The following ARHGEF3 variants were observed in gnomAD, a reference collection of about 807,000 sequenced individuals.
ARHGEF3 encodes the protein Rho guanine nucleotide exchange factor 3.
A neutral mutation model predicts 63.2 loss-of-function variants in ARHGEF3; 28 were observed. The observed-to-expected ratio is 0.44, with a 90% CI of 0.33 to 0.61. The LOEUF is 0.61. Ranked by LOEUF, ARHGEF3 falls within the 20% of genes least tolerant of loss-of-function variation. The pLI is 0.03. For missense variants in ARHGEF3, 533 were observed against 659.3 expected, an observed-to-expected ratio of 0.81 and a Z score of 2.10; for synonymous variants, 266 against 254.2, an observed-to-expected ratio of 1.05 and a Z score of -0.44.
chr3:56,978,198 C>T (rs960935858), intron 2 of ARHGEF3, among the ~76,000 whole-genome samples: 18 of 152,306 alleles, frequency 1.2e-4, no homozygotes, highest in African/African-American at 3.9e-4. Flanking sequence ...GGACAAAACA[C>T]CTTTTAACAC....
chr3:57,061,149 C>T (rs1307960371), intron 1 of ARHGEF3, among the ~76,000 whole-genome samples: 4 of 152,140 alleles, frequency 2.6e-5, no homozygotes. Flanking sequence ...CTGCCCCTCT[C>T]CCAGCCCCTA....
chr3:57,022,649 T>C (rs1363994381), intron 2 of ARHGEF3, among the ~76,000 whole-genome samples: 2 of 151,854 alleles, frequency 1.3e-5, no homozygotes, highest in Admixed American at 6.6e-5. Flanking sequence ...CAGGCACTTA[T>C]TTTGCCTAGG....
intron 2 of ARHGEF3, among the ~76,000 whole-genome samples, chr3:56,968,662 A>G (rs1475622269): frequency 6.6e-6 from 1 of 151,640 alleles, no homozygotes; most frequent in African/African-American, 2.4e-5. Flanking sequence ...AAAGGAATAG[A>G]TAAGTTTAGT....
chr3:56,967,307 T>TATATA (rs376664205), intron 2 of ARHGEF3, among the ~76,000 whole-genome samples: 4,361 of 64,914 alleles, frequency 0.067, 796 homozygotes, highest in African/African-American at 0.18. Context: ...AATTATATAT[T>TATATA]ATATATTATA....
At chr3:56,817,370 C>A (rs1186907208) in intron 4 of ARHGEF3, among the ~76,000 whole-genome samples, 1 of 152,140 alleles carries the variant, frequency 6.6e-6, no homozygotes, top group African/African-American at 2.4e-5. Flanking sequence ...AACCAACCAA[C>A]CAGTTGGAAA....
chr3:56,908,536 T>G (rs2041766168), intron 3 of ARHGEF3, among the ~76,000 whole-genome samples: 1 of 152,240 alleles, frequency 6.6e-6, no homozygotes, highest in Non-Finnish European at 1.5e-5. Context: ...GTGGAATATG[T>G]TTCTCTCATC....
chr3:57,043,590 C>T (rs1316439252), intron 1 of ARHGEF3, among the ~76,000 whole-genome samples: 1 of 151,564 alleles, frequency 6.6e-6, no homozygotes, highest in Non-Finnish European at 1.5e-5. Context: ...TCAGCCTGAG[C>T]ATATCATGGA....
rs796892573 is a variant in ARHGEF3, at chr3:56,949,489, GACAA to G, written c.129+9330_129+9333del. 1.6e-3 allele frequency among the ~76,000 whole-genome samples: 250 copies of G among 151,990 alleles called. 2 individuals carry two copies. Among genetic ancestry groups the G allele is most frequent in the African/African-American group, 5.2e-3 (214 of 41,346 alleles). ...CAAGCATTCTTATACACCAATAATA[GACAA>G]ACAGAGAGCCAAATCATGAGTGAAC... is the stretch of plus-strand genomic sequence containing the variant. On this transcript the variant is annotated intron_variant, in intron 3 of 12. Transcript: ENST00000338458.
chr3:56,781,897 T>G (rs1005812933), intron 1 of ARHGEF3, among the ~76,000 whole-genome samples: 11 of 152,220 alleles, frequency 7.2e-5, no homozygotes, highest in African/African-American at 2.4e-4. Context: ...AGAGAGTCAG[T>G]GTCAGGTGGA....
intron 1 of ARHGEF3, among the ~76,000 whole-genome samples, chr3:56,788,150 C>T (rs562342042): frequency 3.9e-5 from 6 of 152,136 alleles, no homozygotes; most frequent in Non-Finnish European, 8.8e-5. Context: ...AAAGGTGTCC[C>T]GCTTATGTGC....
At chr3:56,999,331 A>T (rs765605588) in intron 2 of ARHGEF3, among the ~76,000 whole-genome samples, 2 of 152,162 alleles carry the variant, frequency 1.3e-5, no homozygotes, top group Non-Finnish European at 2.9e-5. Flanking sequence ...GATTACAAGC[A>T]TGAGCCACCA....
intron 4 of ARHGEF3, among the ~76,000 whole-genome samples, chr3:56,864,030 C>T (rs2040164405): frequency 1.3e-5 from 2 of 152,136 alleles, no homozygotes; most frequent in Non-Finnish European, 2.9e-5. Flanking sequence ...CTTGTCTGCC[C>T]TACAGACAGC....
intron 2 of ARHGEF3, among the ~76,000 whole-genome samples, chr3:57,015,885 T>A (rs1702976073): frequency 6.6e-6 from 1 of 152,042 alleles, no homozygotes; most frequent in Non-Finnish European, 1.5e-5. Context: ...GTGAGACAAG[T>A]CTTGTTCCCA....
intron 1 of ARHGEF3, chr3:56,775,019 A>C (rs1176327239): frequency 6.5e-6 from 10 of 1,547,282 alleles, no homozygotes; most frequent in Admixed American, 2.0e-5. Context: ...CCTAAGCTCC[A>C]TCTGACCTGT....
At chr3:56,793,300 G>C (rs1217838226) in intron 1 of ARHGEF3, among the ~76,000 whole-genome samples, 1 of 152,152 alleles carries the variant, frequency 6.6e-6, no homozygotes. Context: ...CTCCCGAGTA[G>C]CTGGGGCTAC....
chr3:57,032,117 G>C (rs970027296), intron 2 of ARHGEF3, among the ~76,000 whole-genome samples: 1 of 152,132 alleles, frequency 6.6e-6, no homozygotes, highest in South Asian at 2.1e-4. Context: ...TCCTCTCCCT[G>C]CACAGCTCAG....
Position 56,891,181 on chromosome 3 carries a change from TAA to T in ARHGEF3, c.130-8829_130-8828del, listed in dbSNP as rs140569065. Among the ~76,000 whole-genome samples, 917 of 138,700 alleles carry T rather than the reference TAA, an allele frequency of 6.6e-3. 8 individuals are homozygous for T. Among genetic ancestry groups the T allele is most frequent in the South Asian group, 0.021 (90 of 4,302 alleles). 91.0% of individuals were successfully genotyped at this position (138,700 alleles called of 152,430 possible). ...GAGCACCAACTCCATTTTTAAAAAG[TAA>T]AAAAAAAAAAAAAAAATAGAGACGA... On this transcript the variant is annotated intron_variant, in intron 3 of 12. Coordinates refer to the ARHGEF3 transcript ENST00000338458.
intron 3 of ARHGEF3, among the ~76,000 whole-genome samples, chr3:56,885,370 T>C (rs911199161): frequency 2.0e-5 from 3 of 152,198 alleles, no homozygotes; most frequent in African/African-American, 2.4e-5. Flanking sequence ...TGGCACATAG[T>C]AGGTGCACAG....
At position 56,741,993 on chromosome 3, in the gene ARHGEF3, TA is replaced by T. The variant is rs750120993; in HGVS notation, c.870+3211del. ...AAGGGAGATGATGAGAGATACCTGGTAACAGTACAGAGATTAAGCTCACATG... is the reference window on the plus strand; with the variant it reads ...AAGGGAGATGATGAGAGATACCTGGTACAGTACAGAGATTAAGCTCACATG... On this transcript the variant is annotated intron_variant, in intron 7 of 9. Coordinates refer to ENST00000296315, the MANE Select transcript of ARHGEF3 (RefSeq NM_019555.3). 1.3e-3 allele frequency among the ~76,000 whole-genome samples: 193 copies of T among 152,286 alleles called. 1 individual carries two copies. The highest frequency in any genetic ancestry group is 6.8e-3 in the Middle Eastern group (2 of 294).
Sources: gnomAD v4.1 joint callset for allele counts (sites outside exome capture counted in the v4.1 genomes callset) on GRCh38, gnomAD v4.1.1 for gene constraint, MANE v1.5 for transcripts, NCBI Gene and HGNC (gene_info 2026-07-23, HGNC 2026-07-21) for gene names.